GPM6A: variants seen among roughly 807,000 people sequenced by gnomAD.
GPM6A encodes neuronal membrane glycoprotein M6-a.
Under a neutral mutation model 32.1 loss-of-function variants are expected in GPM6A, and 7 were observed. The observed-to-expected ratio is 0.22, with a 90% CI of 0.12 to 0.41. GPM6A has a LOEUF of 0.41. Among genes scored for constraint, GPM6A ranks in the 10% least tolerant of loss-of-function variants. The pLI is 1.00. For synonymous variants in GPM6A, 130 were observed against 123.4 expected, an observed-to-expected ratio of 1.05 and a Z score of -0.35; for missense variants, 235 against 347.2, an observed-to-expected ratio of 0.68 and a Z score of 2.57.
intron 1 of GPM6A, among the ~76,000 whole-genome samples, chr4:175,981,796 A>G (rs1579684316): frequency 1.3e-5 from 2 of 152,296 alleles, no homozygotes; most frequent in East Asian, 3.9e-4. Flanking sequence ...TTTATAAAAA[A>G]CAGCCAAGCC....
chr4:175,710,021 A>G, intron 1 of GPM6A, among the ~76,000 whole-genome samples: 1 of 152,124 alleles, frequency 6.6e-6, no homozygotes, highest in East Asian at 1.9e-4. Flanking sequence ...CTTCAAACAC[A>G]AAGACCAAAA....
chr4:175,726,969 C>G (rs1484683887), intron 1 of GPM6A, among the ~76,000 whole-genome samples: 1 of 152,088 alleles, frequency 6.6e-6, no homozygotes, highest in Non-Finnish European at 1.5e-5. Flanking sequence ...GCACTCCAGC[C>G]TGGGTGACAG....
chr4:175,719,955 G>A (rs1746028888), intron 1 of GPM6A, among the ~76,000 whole-genome samples: 1 of 152,096 alleles, frequency 6.6e-6, no homozygotes, highest in South Asian at 2.1e-4. Flanking sequence ...TAGAAGAAAC[G>A]TCGATTTTAT....
At chr4:175,784,637 A>C (rs2132335) in intron 1 of GPM6A, among the ~76,000 whole-genome samples, 147,815 of 152,246 alleles carry the variant, frequency 0.97, 71,920 homozygotes, top group East Asian at 1. Context: ...AATGTGAATT[A>C]TAATGAACTC....
intron 1 of GPM6A, among the ~76,000 whole-genome samples, chr4:175,761,138 C>T (rs913533891): frequency 6.6e-6 from 1 of 152,254 alleles, no homozygotes; most frequent in Admixed American, 6.5e-5. Context: ...TGAGTACTTG[C>T]TTTAGCGCAA....
At chr4:175,825,563 T>C (rs1735408289) in intron 1 of GPM6A, among the ~76,000 whole-genome samples, 1 of 152,214 alleles carries the variant, frequency 6.6e-6, no homozygotes, top group East Asian at 1.9e-4. Context: ...GATGAAAATA[T>C]ATCAGAATGA....
Position 175,634,569 on chromosome 4 carries a change from T to C in GPM6A, c.*336A>G, listed in dbSNP as rs1740468503. 5.1e-6 allele frequency: 1 copy of C among 195,296 alleles called. No homozygotes were observed. Among genetic ancestry groups the C allele is most frequent in the South Asian group, 1.3e-4 (1 of 7,536 alleles). 12.1% of individuals were successfully genotyped at this position (195,296 alleles called of 1,614,324 possible). A position where few individuals can be genotyped will look rare whatever the true frequency, so the allele number is the denominator to read the frequency against. On this transcript the variant is annotated 3_prime_UTR_variant, in exon 7 of 7. Coordinates refer to ENST00000393658, the MANE Select transcript of GPM6A (RefSeq NM_201591.3). ...AACATAAGAAATAATGCAAAAGGTG[T>C]TATGTATAACACATGGGAAGTGGTT...
intron 1 of GPM6A, among the ~76,000 whole-genome samples, chr4:175,971,129 A>G (rs1740488928): frequency 2.0e-5 from 3 of 152,184 alleles, no homozygotes; most frequent in African/African-American, 7.2e-5. Flanking sequence ...TATTAACTCT[A>G]TTTTAAAATA....
chr4:175,939,883 A>G (rs947674282), intron 1 of GPM6A, among the ~76,000 whole-genome samples: 1 of 152,134 alleles, frequency 6.6e-6, no homozygotes, highest in African/African-American at 2.4e-5. Context: ...TTTGGCAATC[A>G]TAAGTTTTTC....
At chr4:175,792,195 T>C (rs537017766) in intron 1 of GPM6A, among the ~76,000 whole-genome samples, 1 of 152,206 alleles carries the variant, frequency 6.6e-6, no homozygotes, top group South Asian at 2.1e-4. Context: ...ATATGTTTAA[T>C]CCCTCTGTTT....
intron 1 of GPM6A, among the ~76,000 whole-genome samples, chr4:175,983,625 G>C (rs1299173909): frequency 6.6e-6 from 1 of 151,966 alleles, no homozygotes; most frequent in Non-Finnish European, 1.5e-5. Flanking sequence ...CCATTTCCTT[G>C]CTTTCTTAGA....
At chr4:175,651,693 A>C (rs1345953793) in intron 4 of GPM6A, 141 bp downstream of exon 4, 1 of 637,976 alleles carries the variant, frequency 1.6e-6, no homozygotes, top group Non-Finnish European at 2.7e-6. Flanking sequence ...TAGCCTTAGC[A>C]GTAATACTCT....
At chr4:175,966,721 T>A (rs1740345732) in intron 1 of GPM6A, among the ~76,000 whole-genome samples, 1 of 152,038 alleles carries the variant, frequency 6.6e-6, no homozygotes, top group African/African-American at 2.4e-5. Flanking sequence ...CACCAAGAAA[T>A]GAATGCTTGT....
At chr4:175,800,581 A>G (rs1734434158) in intron 1 of GPM6A, among the ~76,000 whole-genome samples, 1 of 152,204 alleles carries the variant, frequency 6.6e-6, no homozygotes. Flanking sequence ...ATACTGCATT[A>G]TTGTCCACTC....
At chr4:175,743,930 T>C (rs1731989334) in intron 1 of GPM6A, among the ~76,000 whole-genome samples, 1 of 149,990 alleles carries the variant, frequency 6.7e-6, no homozygotes, top group African/African-American at 2.4e-5. Context: ...TTGAAGAGTT[T>C]AGCAGTTGTA....
At chr4:175,740,444 A>G (rs1355358515) in intron 1 of GPM6A, among the ~76,000 whole-genome samples, 1 of 152,032 alleles carries the variant, frequency 6.6e-6, no homozygotes, top group African/African-American at 2.4e-5. Flanking sequence ...TCATTTGTGG[A>G]ACCTAATGTT....
At chr4:175,977,136 C>T (rs895494690) in intron 1 of GPM6A, among the ~76,000 whole-genome samples, 1 of 152,022 alleles carries the variant, frequency 6.6e-6, no homozygotes, top group Non-Finnish European at 1.5e-5. Context: ...AACTGGTCTC[C>T]AAAAGACAAC....
chr4:175,982,622 C>A (rs1740850831), intron 1 of GPM6A, among the ~76,000 whole-genome samples: 1 of 152,094 alleles, frequency 6.6e-6, no homozygotes. Flanking sequence ...ATCCTCTCAC[C>A]AATGCCACAC....
At chr4:175,816,655 C>G (rs913340431), upstream of GPM6A, among the ~76,000 whole-genome samples, 7 of 152,158 alleles carry the variant, frequency 4.6e-5, no homozygotes, top group African/African-American at 1.7e-4. Flanking sequence ...TAGCCCAGTG[C>G]ATAGGACTAA....
Sources: gnomAD v4.1 joint callset for allele counts (sites outside exome capture counted in the v4.1 genomes callset) on GRCh38, gnomAD v4.1.1 for gene constraint, MANE v1.5 for transcripts, NCBI Gene and HGNC (gene_info 2026-07-23, HGNC 2026-07-21) for gene names.